Variants in ADAMTS9 observed in about 807,000 individuals in gnomAD.
ADAMTS9 encodes the protein ADAM metallopeptidase with thrombospondin type 1 motif 9.
Under a neutral mutation model 257.1 loss-of-function variants are expected in ADAMTS9, and 107 were observed. The observed-to-expected ratio is 0.42, with a 90% CI of 0.36 to 0.49. The LOEUF (loss-of-function observed/expected upper bound fraction) is 0.49. Among genes scored for constraint, ADAMTS9 ranks in the 20% least tolerant of loss-of-function variants. ADAMTS9 has a pLI of 0.03. For missense variants in ADAMTS9, 2,353 were observed against 2,469.1 expected, an observed-to-expected ratio of 0.95 and a Z score of 1.00; for synonymous variants, 982 against 880.9, an observed-to-expected ratio of 1.11 and a Z score of -2.03.
intron 18 of ADAMTS9, among the ~76,000 whole-genome samples, chr3:64,621,949 G>A (rs1700118318): frequency 2.0e-5 from 3 of 151,940 alleles, no homozygotes; most frequent in Admixed American, 6.6e-5. Context: ...AATGGCGGAG[G>A]TGATTTTTGC....
chr3:64,541,504 A>G (rs368793950), intron 34 of ADAMTS9, 22 bp downstream of exon 34: 1 of 1,610,048 alleles, frequency 6.2e-7, no homozygotes, highest in African/African-American at 1.3e-5. Context: ...TCTTGAAATA[A>G]TGACTGGTGT....
chr3:64,621,816 A>G (rs1374573261), intron 18 of ADAMTS9, among the ~76,000 whole-genome samples: 1 of 151,788 alleles, frequency 6.6e-6, no homozygotes, highest in East Asian at 1.9e-4. Flanking sequence ...AAAAGAAAAA[A>G]AAGGTAGGCG....
intron 12 of ADAMTS9, among the ~76,000 whole-genome samples, chr3:64,637,698 G>T (rs1047030634): frequency 6.6e-6 from 1 of 152,240 alleles, no homozygotes; most frequent in Non-Finnish European, 1.5e-5. Context: ...GATACAACAG[G>T]CAGCCCCAGA....
intron 36 of ADAMTS9, 127 bp from the exon 37 acceptor site, chr3:64,539,421 G>A: frequency 1.3e-6 from 1 of 773,380 alleles, no homozygotes; most frequent in South Asian, 1.6e-5. Flanking sequence ...AGAGAAAGAA[G>A]CAATGTGAAA....
rs180942603 is a variant in ADAMTS9 at position 64,661,178 on chromosome 3, G to A, written c.680-2387C>T. On this transcript the variant is annotated intron_variant, in intron 3 of 39. Transcript: ENST00000498707. ...ATGCAGTCCAGTTATAGATAATATCGCTAGCCAAAAACCTGGTACATAAGA... is the reference window on the plus strand; with the variant it reads ...ATGCAGTCCAGTTATAGATAATATCACTAGCCAAAAACCTGGTACATAAGA... 2.4e-3 allele frequency among the ~76,000 whole-genome samples: 368 copies of A among 152,194 alleles called. 1 individual carries two copies. Among genetic ancestry groups the A allele is most frequent in the African/African-American group, 8.0e-3 (332 of 41,522 alleles).
intron 12 of ADAMTS9, among the ~76,000 whole-genome samples, chr3:64,638,291 T>G (rs9835360): frequency 0.54 from 82,045 of 151,962 alleles, 23,415 homozygotes; most frequent in African/African-American, 0.74. Context: ...AAGGAAGCTC[T>G]GAGCCAAATT....
intron 31 of ADAMTS9, among the ~76,000 whole-genome samples, chr3:64,547,752 C>G (rs906210981): frequency 1.3e-5 from 2 of 152,114 alleles, no homozygotes; most frequent in Non-Finnish European, 2.9e-5. Context: ...CTCATCTGTA[C>G]TCTTTTATCC....
At chr3:64,599,642 A>G (rs912328123) in intron 26 of ADAMTS9, among the ~76,000 whole-genome samples, 3 of 152,218 alleles carry the variant, frequency 2.0e-5, no homozygotes, top group Non-Finnish European at 4.4e-5. Context: ...AATCCTCAGC[A>G]GAATAACTCA....
At chr3:64,672,858 C>T (rs1437198511) in intron 3 of ADAMTS9, among the ~76,000 whole-genome samples, 2 of 152,150 alleles carry the variant, frequency 1.3e-5, no homozygotes, top group Non-Finnish European at 2.9e-5. Context: ...TTTAATATTT[C>T]AGTCCATGAT....
intron 12 of ADAMTS9, among the ~76,000 whole-genome samples, chr3:64,634,269 G>A (rs749640830): frequency 1.5e-4 from 23 of 152,104 alleles, no homozygotes; most frequent in Non-Finnish European, 2.2e-4. Context: ...AATGTAGAAG[G>A]TGAAAGGTAC....
chr3:64,591,528 T>C (rs779552217), intron 28 of ADAMTS9, among the ~76,000 whole-genome samples: 14 of 152,114 alleles, frequency 9.2e-5, no homozygotes, highest in Non-Finnish European at 1.5e-4. Context: ...AAAGGTTGAA[T>C]TTCTGGAGGA....
intron 28 of ADAMTS9, chr3:64,588,475 C>T (rs886304835): frequency 2.0e-5 from 3 of 151,872 alleles, no homozygotes; most frequent in Non-Finnish European, 4.4e-5. Context: ...CAACCCCCAA[C>T]CCCTGGCATT....
chr3:64,552,575 CTTT>C (rs113655800), intron 30 of ADAMTS9, among the ~76,000 whole-genome samples: 9 of 139,236 alleles, frequency 6.5e-5, no homozygotes, highest in Non-Finnish European at 1.1e-4. Flanking sequence ...CTTTTCTTTC[CTTT>C]TTTTTTTTTT....
At chr3:64,531,414 T>C (rs763584331) in intron 38 of ADAMTS9, among the ~76,000 whole-genome samples, 1 of 151,886 alleles carries the variant, frequency 6.6e-6, no homozygotes, top group South Asian at 2.1e-4. Context: ...TTAGTATAAC[T>C]ATGTCCCATG....
At chr3:64,601,066 T>C (rs887711013) in intron 26 of ADAMTS9, among the ~76,000 whole-genome samples, 1 of 152,332 alleles carries the variant, frequency 6.6e-6, no homozygotes, top group East Asian at 1.9e-4. Flanking sequence ...TATTTTTTTT[T>C]AATTATTTAG....
chr3:64,601,993 C>A lies in ADAMTS9; in HGVS notation c.3968G>T (p.Arg1323Leu), dbSNP rs755956495. Residue 1323 changes from arginine to leucine, a missense_variant, in exon 26 of 40, where the codon CGC becomes CTC. By Grantham distance (102) the Arg-to-Leu change is moderately radical (BLOSUM62 -2). This residue lies in a region of ADAMTS9 where 1,402 missense variants were observed against 1,441.4 expected (regional missense o/e 0.97). Coordinates refer to ENST00000498707, the MANE Select transcript of ADAMTS9 (RefSeq NM_182920.2). ...CTGGTTTCCACCGAGCACATGGGTG[C>A]GGCTGGGGCTGGCGCTCCGGGGACG... ...DYRPRSASPSRTHVLGGNQWR... is the reference protein window; with the variant it reads ...DYRPRSASPSLTHVLGGNQWR... The A allele has an allele frequency of 1.8e-5, 29 of 1,613,658 alleles. No individual in the cohort carries two copies. The highest frequency in any genetic ancestry group is 2.1e-5 in the Non-Finnish European group (25 of 1,179,788).
intron 19 of ADAMTS9, among the ~76,000 whole-genome samples, chr3:64,619,960 A>G (rs1206831571): frequency 6.6e-6 from 1 of 151,940 alleles, no homozygotes; most frequent in African/African-American, 2.4e-5. Context: ...TTATATGGAC[A>G]CTATCTACAA....
At chr3:64,594,492 TC>T (rs1180558624) in intron 27 of ADAMTS9, 58 bp from the exon 28 acceptor site, 35 of 1,582,288 alleles carry the variant, frequency 2.2e-5, no homozygotes, top group Non-Finnish European at 3.0e-5. Context: ...ATGACAAATT[TC>T]CTTTCTCCCT....
intron 3 of ADAMTS9, among the ~76,000 whole-genome samples, chr3:64,676,716 A>G (rs1701632765): frequency 6.6e-6 from 1 of 152,174 alleles, no homozygotes; most frequent in Non-Finnish European, 1.5e-5. Flanking sequence ...GGCTTTTGCT[A>G]TAATAAACAA....
Sources: allele counts gnomAD v4.1 joint callset (sites outside exome capture counted in the v4.1 genomes callset), GRCh38; gene constraint gnomAD v4.1.1; regional missense constraint gnomAD v4.1.1; transcripts MANE v1.5; gene names NCBI Gene and HGNC (gene_info 2026-07-23, HGNC 2026-07-21).